XKR4: variants seen among roughly 807,000 people sequenced by gnomAD.
XKR4 encodes the protein XK related 4.
A neutral mutation model predicts 53.9 loss-of-function variants in XKR4; 12 were observed. That is an observed-to-expected ratio of 0.22 (90% CI 0.14 to 0.36). XKR4 has a LOEUF of 0.36. Among genes scored for constraint, XKR4 ranks in the 10% least tolerant of loss-of-function variants. XKR4 has a pLI of 1.00. For synonymous variants in XKR4, 354 were observed against 362.4 expected, an observed-to-expected ratio of 0.98 and a Z score of 0.26; for missense variants, 799 against 859.5, an observed-to-expected ratio of 0.93 and a Z score of 0.88.
At chr8:55,346,490 T>C (rs1271605506) in intron 1 of XKR4, among the ~76,000 whole-genome samples, 2 of 152,230 alleles carry the variant, frequency 1.3e-5, no homozygotes, top group Non-Finnish European at 2.9e-5. Flanking sequence ...GAAAATGTTC[T>C]ACCATAGAAT....
chr8:55,438,943 C>T (rs560629605), intron 2 of XKR4, among the ~76,000 whole-genome samples: 2 of 152,152 alleles, frequency 1.3e-5, no homozygotes, highest in South Asian at 2.1e-4. Context: ...TGCAGGAGAC[C>T]AATCTGAAAT....
At chr8:55,124,500 A>G (rs1265096245) in intron 1 of XKR4, among the ~76,000 whole-genome samples, 1 of 152,210 alleles carries the variant, frequency 6.6e-6, no homozygotes, top group African/African-American at 2.4e-5. Flanking sequence ...GTAATATGGT[A>G]TCTCCTCGCA....
chr8:55,511,409 G>T (rs763292878), intron 2 of XKR4, among the ~76,000 whole-genome samples: 4 of 152,178 alleles, frequency 2.6e-5, no homozygotes, highest in African/African-American at 9.7e-5. Context: ...ACCTCAGAAG[G>T]GTTTGGACAG....
At chr8:55,483,569 AC>A (rs1457862469) in intron 2 of XKR4, among the ~76,000 whole-genome samples, 1 of 152,154 alleles carries the variant, frequency 6.6e-6, no homozygotes, top group East Asian at 1.9e-4. Flanking sequence ...AGGTGGAAAC[AC>A]TTGAAAACTA....
intron 2 of XKR4, among the ~76,000 whole-genome samples, chr8:55,462,790 T>G (rs1289871498): frequency 6.6e-6 from 1 of 151,658 alleles, no homozygotes. Flanking sequence ...ATCTACCAAG[T>G]AAATGGAAAA....
chr8:55,144,990 C>A (rs1816752750), intron 1 of XKR4, among the ~76,000 whole-genome samples: 1 of 151,928 alleles, frequency 6.6e-6, no homozygotes, highest in South Asian at 2.1e-4. Context: ...TGCCACCATG[C>A]CCGACTGATT....
chr8:55,376,660 C>T (rs1585545691), intron 2 of XKR4, among the ~76,000 whole-genome samples: 1 of 152,052 alleles, frequency 6.6e-6, no homozygotes, highest in East Asian at 1.9e-4. Flanking sequence ...CAACTTCAAT[C>T]CATTAAATGT....
At chr8:55,452,992 G>A in intron 2 of XKR4, 1 of 690,106 alleles carries the variant, frequency 1.4e-6, no homozygotes. Flanking sequence ...AGGCACCACT[G>A]CTCAGAAGCC....
chr8:55,279,729 G>A (rs909757838), intron 1 of XKR4, among the ~76,000 whole-genome samples: 3 of 152,130 alleles, frequency 2.0e-5, no homozygotes, highest in Non-Finnish European at 4.4e-5. Context: ...GTCAGCCAGG[G>A]CACACAGTCT....
chr8:55,462,179 C>T (rs1190460421), intron 2 of XKR4, among the ~76,000 whole-genome samples: 1 of 152,154 alleles, frequency 6.6e-6, no homozygotes, highest in Admixed American at 6.5e-5. Context: ...TTGTCAGATT[C>T]ACCAAAGTTG....
At chr8:55,128,661 G>A (rs992249711) in intron 1 of XKR4, among the ~76,000 whole-genome samples, 2 of 152,144 alleles carry the variant, frequency 1.3e-5, no homozygotes, top group Non-Finnish European at 2.9e-5. Flanking sequence ...AAACATGTCG[G>A]AAAAAAACAC....
intron 2 of XKR4, among the ~76,000 whole-genome samples, chr8:55,476,553 A>G (rs1418462722): frequency 4.0e-5 from 3 of 75,638 alleles, no homozygotes; most frequent in South Asian, 3.9e-4. Context: ...AGTGCCAGAC[A>G]GTGGGTGCAG....
chr8:55,495,163 A>C (rs1806323843), intron 2 of XKR4, among the ~76,000 whole-genome samples: 1 of 152,162 alleles, frequency 6.6e-6, no homozygotes, highest in African/African-American at 2.4e-5. Context: ...CAGGCTTACC[A>C]GTGCCTAGAC....
chr8:55,353,456 T>G (rs1463101597), intron 1 of XKR4, among the ~76,000 whole-genome samples: 1 of 152,148 alleles, frequency 6.6e-6, no homozygotes, highest in Non-Finnish European at 1.5e-5. Flanking sequence ...CAGAAACTAC[T>G]GAAGGGTGGC....
intron 1 of XKR4, among the ~76,000 whole-genome samples, chr8:55,326,780 T>C (rs1803301716): frequency 6.6e-6 from 1 of 151,738 alleles, no homozygotes; most frequent in Non-Finnish European, 1.5e-5. Flanking sequence ...CTACAACTGG[T>C]TTAAAAGTTG....
intron 1 of XKR4, among the ~76,000 whole-genome samples, chr8:55,124,519 G>C (rs572930058): frequency 9.3e-4 from 142 of 152,246 alleles, no homozygotes; most frequent in African/African-American, 3.3e-3. Flanking sequence ...CATTCAGTTG[G>C]TGTCATTTTT....
chr8:55,257,805 G>T (rs1818460513), intron 1 of XKR4, among the ~76,000 whole-genome samples: 1 of 152,118 alleles, frequency 6.6e-6, no homozygotes, highest in Non-Finnish European at 1.5e-5. Flanking sequence ...ATTGATTTTT[G>T]CATTCCGGTG....
intron 1 of XKR4, among the ~76,000 whole-genome samples, chr8:55,200,242 A>G (rs1338677603): frequency 6.6e-6 from 1 of 152,000 alleles, no homozygotes; most frequent in East Asian, 1.9e-4. Flanking sequence ...TAATTTTTGT[A>G]TTTTTAGTAG....
At chr8:55,188,770 C>T (rs1222495493) in intron 1 of XKR4, among the ~76,000 whole-genome samples, 5 of 152,168 alleles carry the variant, frequency 3.3e-5, no homozygotes, top group Admixed American at 2.6e-4. Flanking sequence ...GGGCATGTTA[C>T]TTAACCCTGC....
Sources: allele counts gnomAD v4.1 joint callset (sites outside exome capture counted in the v4.1 genomes callset), GRCh38; gene constraint gnomAD v4.1.1; transcripts MANE v1.5; gene names NCBI Gene and HGNC (gene_info 2026-07-23, HGNC 2026-07-21).